Variants in MPP4 observed in about 807,000 individuals in gnomAD.
The protein encoded by MPP4 is MAGUK p55 subfamily member 4.
Under a neutral mutation model 98.3 loss-of-function variants are expected in MPP4, and 91 were observed. That is an observed-to-expected ratio of 0.93 (90% CI 0.78 to 1.10). The LOEUF is 1.10. Ranked by LOEUF, MPP4 falls within the 50% of genes least tolerant of loss-of-function variation. MPP4 has a pLI of 0.00. For synonymous variants in MPP4, 261 were observed against 271.8 expected, an observed-to-expected ratio of 0.96 and a Z score of 0.39; for missense variants, 744 against 792.9, an observed-to-expected ratio of 0.94 and a Z score of 0.74.
At chr2:201,675,952 T>A (rs1688496844) in intron 10 of MPP4, among the ~76,000 whole-genome samples, 2 of 152,188 alleles carry the variant, frequency 1.3e-5, no homozygotes, top group African/African-American at 4.8e-5. Context: ...CAGCATCACC[T>A]TTACCTGGGA....
intron 11 of MPP4, among the ~76,000 whole-genome samples, chr2:201,674,512 T>C (rs535450024): frequency 2.6e-4 from 26 of 100,816 alleles, no homozygotes; most frequent in Non-Finnish European, 4.3e-4. Context: ...GGTAGACACA[T>C]ACTGAAATTG....
chr2:201,686,127 A>G (rs1357566007), intron 5 of MPP4, 77 bp from the exon 6 acceptor site: 10 of 1,515,386 alleles, frequency 6.6e-6, no homozygotes, highest in Middle Eastern at 1.9e-4. Context: ...ACTCAATACT[A>G]TCTAAGACAC....
At chr2:201,650,266 A>G (rs534524931) in intron 18 of MPP4, 101 bp from the exon 19 acceptor site, 92 of 1,457,810 alleles carry the variant, frequency 6.3e-5, no homozygotes, top group Non-Finnish European at 8.0e-5. Context: ...ATAAATGAAT[A>G]TATAATCAAG....
At chr2:201,675,000 C>T (rs572088403) in intron 11 of MPP4, 11 of 687,424 alleles carry the variant, frequency 1.6e-5, no homozygotes, top group South Asian at 1.5e-4. Context: ...TAGCAAGTGC[C>T]CACTGAATAG....
At chr2:201,646,015 T>G (rs886257408) in intron 21 of MPP4, among the ~76,000 whole-genome samples, 4 of 152,170 alleles carry the variant, frequency 2.6e-5, no homozygotes, top group Non-Finnish European at 5.9e-5. Flanking sequence ...GTTTTTATTT[T>G]AAAAAATGAG....
chr2:201,658,843 T>C (rs923052861), intron 15 of MPP4, among the ~76,000 whole-genome samples: 3 of 152,230 alleles, frequency 2.0e-5, no homozygotes, highest in Admixed American at 6.5e-5. Context: ...CCAGTTCTTA[T>C]GTTTTTACTA....
intron 12 of MPP4, among the ~76,000 whole-genome samples, chr2:201,669,088 T>TTGTGTGTGTGTGTGTG (rs770178008): frequency 7.1e-6 from 1 of 141,566 alleles, no homozygotes; most frequent in Non-Finnish European, 1.5e-5. Flanking sequence ...GCATCTTGCT[T>TTGTGTGTGTGTGTGTG]TGTGTGTGTG....
At chr2:201,691,149 C>T (rs1281258708) in intron 3 of MPP4, among the ~76,000 whole-genome samples, 1 of 152,136 alleles carries the variant, frequency 6.6e-6, no homozygotes, top group African/African-American at 2.4e-5. Flanking sequence ...AAAGGCAATG[C>T]CCATCATGAA....
rs1474871398 is a variant in MPP4, at chr2:201,664,186, GC to G, written c.1052-86del. The stretch of plus-strand genomic sequence containing the variant: ...TCTATATTTTAAGTCTAATTCTCTG[GC>G]CCCTACTTCTGCCCATACACCACCT... On this transcript the variant is annotated intron_variant, in intron 13 of 21. Transcript: ENST00000409474. The G allele has an allele frequency of 9.3e-6, 14 of 1,502,588 alleles. No individual in the cohort carries two copies. The East Asian group carries it at 3.6e-4, about 38-fold the overall frequency. The allele number at this position is 1,502,588 out of a possible 1,614,324, so 93.1% of individuals were successfully genotyped here.
At chr2:201,664,516 A>G (rs564630948) in intron 13 of MPP4, among the ~76,000 whole-genome samples, 17 of 152,310 alleles carry the variant, frequency 1.1e-4, no homozygotes, top group African/African-American at 3.8e-4. Context: ...GCGGACCCAC[A>G]AACGGGGGTG....
chr2:201,691,896 A>G (rs1245494970), intron 3 of MPP4, among the ~76,000 whole-genome samples: 1 of 152,194 alleles, frequency 6.6e-6, no homozygotes, highest in Non-Finnish European at 1.5e-5. Context: ...TTTAACAAAC[A>G]AATAGGAATA....
intron 3 of MPP4, among the ~76,000 whole-genome samples, chr2:201,691,303 A>C (rs1205282343): frequency 6.6e-6 from 1 of 152,192 alleles, no homozygotes; most frequent in Non-Finnish European, 1.5e-5. Flanking sequence ...ACTATAAGAC[A>C]GACCACATTT....
At chr2:201,657,954 GT>G (rs775379919) in intron 16 of MPP4, among the ~76,000 whole-genome samples, 101 of 129,916 alleles carry the variant, frequency 7.8e-4, no homozygotes, top group Admixed American at 3.0e-3. Context: ...GTGGCCCCTT[GT>G]TTTTTTTTTT....
At chr2:201,647,265 T>C (rs2105908875) in intron 21 of MPP4, among the ~76,000 whole-genome samples, 1 of 152,324 alleles carries the variant, frequency 6.6e-6, no homozygotes, top group African/African-American at 2.4e-5. Context: ...AAAGATATTC[T>C]GTTTAAAATA....
chr2:201,656,403 G>A, intron 16 of MPP4, 35 bp from the exon 17 acceptor site: 3 of 1,519,460 alleles, frequency 2.0e-6, no homozygotes, highest in Non-Finnish European at 2.7e-6. Context: ...GTAAGAACCA[G>A]GCAGGAGAGA....
intron 11 of MPP4, among the ~76,000 whole-genome samples, chr2:201,671,723 G>A (rs534242951): frequency 2.0e-4 from 30 of 152,158 alleles, no homozygotes; most frequent in South Asian, 1.0e-3. Context: ...TATATGCACC[G>A]AATAGAGAAG....
chr2:201,685,216 A>C, intron 6 of MPP4, 71 bp from the exon 7 acceptor site: 1 of 461,294 alleles, frequency 2.2e-6, no homozygotes, highest in Non-Finnish European at 2.8e-6. Flanking sequence ...CCCTCAATCA[A>C]TGCAGCTCTG....
At position 201,647,746 on chromosome 2, in the gene MPP4, T is replaced by G; in HGVS notation, c.1664A>C (p.Gln555Pro). 1 of 1,614,002 alleles carries G rather than the reference T, an allele frequency of 6.2e-7. No individual in the cohort carries two copies. The highest frequency in any genetic ancestry group is 1.1e-5 in the South Asian group (1 of 91,084). ...IKPSNMRCMKQSRKNAKVITD... is the reference protein window; with the variant it reads ...IKPSNMRCMKPSRKNAKVITD... Reference sequence around the variant, plus strand: ...AATAACCTTGGCATTTTTCCGAGATTGTTTCATACACCTCATATTCGATGG... The same window carrying G: ...AATAACCTTGGCATTTTTCCGAGATGGTTTCATACACCTCATATTCGATGG... The change falls in exon 21 of 22, where the codon CAA becomes CCA. Residue 555 changes from glutamine to proline, a missense_variant. Coordinates refer to ENST00000409474, the MANE Select transcript of MPP4 (RefSeq NM_033066.3).
intron 11 of MPP4, among the ~76,000 whole-genome samples, chr2:201,674,609 G>T (rs1051055394): frequency 2.0e-5 from 3 of 152,168 alleles, no homozygotes; most frequent in Non-Finnish European, 4.4e-5. Context: ...TAGCTTTCAA[G>T]CTGCCTTCAT....
Sources: allele counts gnomAD v4.1 joint callset (sites outside exome capture counted in the v4.1 genomes callset), GRCh38; gene constraint gnomAD v4.1.1; transcripts MANE v1.5; gene names NCBI Gene and HGNC (gene_info 2026-07-23, HGNC 2026-07-21).